The following PTPRK variants were observed in gnomAD, a reference collection of about 807,000 sequenced individuals.
PTPRK encodes protein tyrosine phosphatase receptor type K, also known as receptor-type tyrosine-protein phosphatase kappa.
Under a neutral mutation model 178.0 loss-of-function variants are expected in PTPRK, and 75 were observed. The observed-to-expected ratio is 0.42, with a 90% CI of 0.35 to 0.51. PTPRK has a LOEUF of 0.51. Ranked by LOEUF, PTPRK falls within the 20% of genes least tolerant of loss-of-function variation. The probability of loss-of-function intolerance (pLI) is 0.02; values close to 1 mark genes in which losing one functional copy is unlikely to be tolerated. For synonymous variants in PTPRK, 637 were observed against 620.6 expected (o/e 1.03, Z -0.39); for missense variants, 1,441 against 1,797.8 (o/e 0.80, Z 3.59).
rs778417145 is a variant in PTPRK at position 128,125,860 on chromosome 6, G to A, written c.1163-35868C>T. ...CCTGACCTCATGATCCACCCAGTTC[G>A]GCCTTCCAAAGTGCTGGGATTACAG... is the stretch of plus-strand genomic sequence containing the variant. On this transcript the variant is annotated intron_variant, in intron 7 of 29. Transcript: ENST00000368226. Among the ~76,000 whole-genome samples, 14 of 151,780 alleles carry A rather than the reference G, an allele frequency of 9.2e-5. No individual in the cohort carries two copies. In the East Asian group the frequency reaches 2.7e-3, roughly 30 times the overall value.
intron 1 of PTPRK, among the ~76,000 whole-genome samples, chr6:128,459,413 C>G (rs1225308278): frequency 6.6e-6 from 1 of 152,114 alleles, no homozygotes; most frequent in Non-Finnish European, 1.5e-5. Flanking sequence ...CCTTGAAAGC[C>G]ATTCTCCCAC....
chr6:128,400,107 C>G (rs138492705), intron 1 of PTPRK, among the ~76,000 whole-genome samples: 1 of 152,012 alleles, frequency 6.6e-6, no homozygotes, highest in African/African-American at 2.4e-5. Flanking sequence ...AATAACTGGA[C>G]TGATAAATGA....
chr6:128,456,269 A>G (rs994462566), intron 1 of PTPRK, among the ~76,000 whole-genome samples: 4 of 152,082 alleles, frequency 2.6e-5, no homozygotes, highest in Non-Finnish European at 5.9e-5. Context: ...CAAAGACACA[A>G]TTCCTGCCTT....
At chr6:128,496,117 CA>C (rs1156726588) in intron 1 of PTPRK, among the ~76,000 whole-genome samples, 2 of 152,034 alleles carry the variant, frequency 1.3e-5, no homozygotes, top group Non-Finnish European at 2.9e-5. Context: ...GAAAAGTCCA[CA>C]ATGAAAAGGA....
intron 3 of PTPRK, among the ~76,000 whole-genome samples, chr6:128,248,020 C>G (rs534692709): frequency 1.1e-4 from 16 of 152,070 alleles, no homozygotes; most frequent in African/African-American, 3.9e-4. Context: ...ACAAATGTGC[C>G]CAAATCAAAA....
chr6:128,394,414 G>A (rs1025811389), intron 2 of PTPRK, among the ~76,000 whole-genome samples: 2 of 152,136 alleles, frequency 1.3e-5, no homozygotes, highest in African/African-American at 4.8e-5. Context: ...TCACAAGGTT[G>A]TACAGATTTA....
intron 1 of PTPRK, among the ~76,000 whole-genome samples, chr6:128,420,772 A>G (rs1319215044): frequency 1.3e-5 from 2 of 152,200 alleles, no homozygotes; most frequent in Non-Finnish European, 2.9e-5. Context: ...AGTGGTGGGG[A>G]CAGTATAGAC....
At chr6:128,200,861 G>T (rs1160495707) in intron 6 of PTPRK, among the ~76,000 whole-genome samples, 1 of 130,022 alleles carries the variant, frequency 7.7e-6, no homozygotes, top group Non-Finnish European at 1.7e-5. Context: ...GGGAGGAGGA[G>T]GGGGAGGGTG....
chr6:128,341,991 G>A (rs561321417), intron 2 of PTPRK, among the ~76,000 whole-genome samples: 7 of 152,226 alleles, frequency 4.6e-5, no homozygotes, highest in South Asian at 4.2e-4. Flanking sequence ...AGTGGCTCAC[G>A]CCTGTAATCC....
intron 1 of PTPRK, among the ~76,000 whole-genome samples, chr6:128,495,225 T>C (rs1321113733): frequency 6.6e-6 from 1 of 152,120 alleles, no homozygotes; most frequent in Non-Finnish European, 1.5e-5. Context: ...AGAATCAATA[T>C]AGAAAGGTGC....
At chr6:128,344,714 G>T (rs563275820) in intron 2 of PTPRK, among the ~76,000 whole-genome samples, 1 of 152,004 alleles carries the variant, frequency 6.6e-6, no homozygotes, top group East Asian at 1.9e-4. Flanking sequence ...ATGGGGTTTT[G>T]TCATTTGCCC....
At chr6:128,180,892 T>C (rs376062019) in intron 7 of PTPRK, among the ~76,000 whole-genome samples, 1 of 152,060 alleles carries the variant, frequency 6.6e-6, no homozygotes, top group African/African-American at 2.4e-5. Flanking sequence ...AAATCACCTA[T>C]GATAGGAATA....
intron 3 of PTPRK, among the ~76,000 whole-genome samples, chr6:128,263,340 T>C (rs985496283): frequency 1.3e-5 from 2 of 152,138 alleles, no homozygotes. Context: ...CAGAATACAG[T>C]GAGCCCAGTA....
Position 128,240,113 on chromosome 6 carries a change from C to T in PTPRK, c.615G>A (p.Glu205=). 6.2e-7 allele frequency: 1 copy of T among 1,614,010 alleles called. No individual in the cohort carries two copies. The highest frequency in any genetic ancestry group is 8.5e-7 in the Non-Finnish European group (1 of 1,179,896). Residue 205 remains glutamate, a synonymous_variant, in exon 5 of 30, where the codon GAG becomes GAA. Coordinates refer to ENST00000368226, the MANE Select transcript of PTPRK (RefSeq NM_002844.4). The part of the protein sequence containing the change: ...SPHFLRLGDV[E]VNAGQNATFQ... ...ATGTAGCGTTTTGCCCTGCATTCAC[C>T]TCTACATCCCCTAGACGGAGGAAAT...
intron 3 of PTPRK, among the ~76,000 whole-genome samples, chr6:128,263,877 T>C (rs1818550439): frequency 6.6e-6 from 1 of 152,148 alleles, no homozygotes; most frequent in Non-Finnish European, 1.5e-5. Context: ...CTCTAAGGGC[T>C]TCCCAGGCAG....
intron 2 of PTPRK, among the ~76,000 whole-genome samples, chr6:128,378,186 T>A (rs1037567478): frequency 1.3e-5 from 2 of 152,132 alleles, no homozygotes; most frequent in Non-Finnish European, 2.9e-5. Flanking sequence ...AAAACAAATA[T>A]AATTAAGTAA....
At chr6:128,394,792 T>C (rs1253989469) in intron 2 of PTPRK, among the ~76,000 whole-genome samples, 1 of 151,954 alleles carries the variant, frequency 6.6e-6, no homozygotes, top group Non-Finnish European at 1.5e-5. Context: ...ATAGAAACAA[T>C]TTTTTTTATT....
chr6:128,308,940 CAA>C (rs1826842026), intron 3 of PTPRK, among the ~76,000 whole-genome samples: 1 of 152,054 alleles, frequency 6.6e-6, no homozygotes, highest in African/African-American at 2.4e-5. Flanking sequence ...AGAAAAGAAT[CAA>C]AGATTCAGGA....
At chr6:128,064,829 T>G in intron 12 of PTPRK, 35 bp from the exon 13 acceptor site, 1 of 1,550,940 alleles carries the variant, frequency 6.4e-7, no homozygotes, top group Non-Finnish European at 8.6e-7. Context: ...AAAGAGTCAA[T>G]GTACAGATAA....
Sources: allele counts gnomAD v4.1 joint callset (sites outside exome capture counted in the v4.1 genomes callset), GRCh38; gene constraint gnomAD v4.1.1; transcripts MANE v1.5; gene names NCBI Gene and HGNC (gene_info 2026-07-23, HGNC 2026-07-21).